Variants in ERBB4 observed in about 807,000 individuals in gnomAD.
The protein encoded by ERBB4 is erb-b2 receptor tyrosine kinase 4.
Under a neutral mutation model 158.0 loss-of-function variants are expected in ERBB4, and 42 were observed. That is an observed-to-expected ratio of 0.27 (90% CI 0.21 to 0.34). ERBB4 has a LOEUF of 0.34. Ranked by LOEUF, ERBB4 falls within the 10% of genes least tolerant of loss-of-function variation. ERBB4 has a pLI of 1.00. For missense variants in ERBB4, 1,333 were observed against 1,624.1 expected (o/e 0.82, Z 3.08); for synonymous variants, 583 against 558.7 (o/e 1.04, Z -0.61).
intron 2 of ERBB4, among the ~76,000 whole-genome samples, chr2:212,013,976 T>A (rs1447651987): frequency 6.6e-6 from 1 of 152,222 alleles, no homozygotes; most frequent in African/African-American, 2.4e-5. Flanking sequence ...ACACAGCAAC[T>A]AAACAAGATA....
chr2:211,625,526 C>G lies in ERBB4; in HGVS notation c.2080-1482G>C, dbSNP rs1018530470. Reference sequence around the variant, plus strand: ...TTCTTTAATTGTGAGTTTGACAACTCATCTTCAATTTCATTTTCAAATTTA... The same window carrying G: ...TTCTTTAATTGTGAGTTTGACAACTGATCTTCAATTTCATTTTCAAATTTA... On this transcript the variant is annotated intron_variant, in intron 17 of 27. Coordinates refer to ENST00000342788, the MANE Select transcript of ERBB4 (RefSeq NM_005235.3). Among the ~76,000 whole-genome samples, 2 of 152,170 alleles carry G rather than the reference C, an allele frequency of 1.3e-5. 1 individual carries two copies. The highest frequency in any genetic ancestry group is 2.9e-5 in the Non-Finnish European group (2 of 68,036).
At chr2:212,435,660 C>T (rs140055992) in intron 1 of ERBB4, among the ~76,000 whole-genome samples, 307 of 151,924 alleles carry the variant, frequency 2.0e-3, no homozygotes, top group Non-Finnish European at 2.9e-3. Context: ...CATGCACACA[C>T]GAAATCCCAG....
chr2:211,440,880 GT>G (rs1307882413), intron 20 of ERBB4, among the ~76,000 whole-genome samples: 1 of 152,156 alleles, frequency 6.6e-6, no homozygotes, highest in Non-Finnish European at 1.5e-5. Context: ...GTTGAAAAGT[GT>G]GTCATTCAAT....
At chr2:212,378,289 G>A (rs2090392979) in intron 1 of ERBB4, among the ~76,000 whole-genome samples, 1 of 151,792 alleles carries the variant, frequency 6.6e-6, no homozygotes, top group Non-Finnish European at 1.5e-5. Context: ...TATGCCATCT[G>A]CATATAGAAC....
chr2:211,405,697 T>TA (rs2063132187), intron 25 of ERBB4, among the ~76,000 whole-genome samples: 1 of 152,198 alleles, frequency 6.6e-6, no homozygotes, highest in Admixed American at 6.5e-5. Flanking sequence ...GGCTCTTCAC[T>TA]AGTTCTACAT....
Position 211,381,287 on chromosome 2 carries a change from C to G in ERBB4, c.*2328G>C. On this transcript the variant is annotated 3_prime_UTR_variant, in exon 28 of 28. Coordinates refer to ENST00000342788, the MANE Select transcript of ERBB4 (RefSeq NM_005235.3). ...TCCAATATTCTTGGCCAAGGACCAC[C>G]ATCTGCTTTTGGTTTAATGGTGAAG... 1 of 232,386 alleles carries G rather than the reference C, an allele frequency of 4.3e-6. No homozygotes were observed. Among genetic ancestry groups the G allele is most frequent in the Non-Finnish European group, 8.5e-6 (1 of 117,564 alleles). 14.4% of individuals were successfully genotyped at this position (232,386 alleles called of 1,614,324 possible).
chr2:212,407,667 A>C (rs1351367790), intron 1 of ERBB4, among the ~76,000 whole-genome samples: 1 of 152,178 alleles, frequency 6.6e-6, no homozygotes, highest in African/African-American at 2.4e-5. Context: ...GGGTATATAC[A>C]TGAAAAACAT....
intron 2 of ERBB4, among the ~76,000 whole-genome samples, chr2:212,037,998 T>G (rs2077054158): frequency 6.6e-6 from 1 of 152,296 alleles, no homozygotes; most frequent in African/African-American, 2.4e-5. Flanking sequence ...ACAAAAAGTA[T>G]TGTTCTTTAA....
intron 3 of ERBB4, among the ~76,000 whole-genome samples, chr2:211,862,885 C>T (rs374884215): frequency 6.6e-6 from 1 of 152,208 alleles, no homozygotes; most frequent in African/African-American, 2.4e-5. Context: ...GCTATAGGAT[C>T]GTAAATGCAC....
At chr2:211,852,971 T>C (rs1196112761) in intron 3 of ERBB4, among the ~76,000 whole-genome samples, 2 of 152,048 alleles carry the variant, frequency 1.3e-5, no homozygotes, top group Non-Finnish European at 2.9e-5. Flanking sequence ...AAATTTTTCA[T>C]GTGACTGTTG....
chr2:211,472,468 T>C (rs1401104392), intron 20 of ERBB4, among the ~76,000 whole-genome samples: 1 of 151,688 alleles, frequency 6.6e-6, no homozygotes, highest in Non-Finnish European at 1.5e-5. Flanking sequence ...CTAACTCTTC[T>C]TATAAAACGC....
rs1017804166 is a variant in ERBB4, at chr2:211,665,575, G to C, written c.1717-98C>G. 1.8e-5 allele frequency: 20 copies of C among 1,132,660 alleles called. 1 individual carries two copies. Among genetic ancestry groups the C allele is most frequent in the Middle Eastern group, 1.9e-4 (1 of 5,150 alleles). 70.2% of individuals were successfully genotyped at this position (1,132,660 alleles called of 1,614,324 possible). ...TTAGTTACTGAGACTTCAGTAGGTG[G>C]CAAATCTTCCTCTAAGAGAATTGGA... On this transcript the variant is annotated intron_variant, in intron 14 of 27. Coordinates refer to ENST00000342788, the MANE Select transcript of ERBB4 (RefSeq NM_005235.3).
intron 22 of ERBB4, among the ~76,000 whole-genome samples, chr2:211,428,141 A>G (rs1173672959): frequency 2.0e-5 from 3 of 152,020 alleles, no homozygotes; most frequent in African/African-American, 7.2e-5. Context: ...GTTGATAGGT[A>G]CAGCAAACCA....
At chr2:212,430,211 T>C (rs1230512232) in intron 1 of ERBB4, among the ~76,000 whole-genome samples, 1 of 152,166 alleles carries the variant, frequency 6.6e-6, no homozygotes, top group Non-Finnish European at 1.5e-5. Context: ...TACGATGTGC[T>C]TTATTTAAGT....
intron 2 of ERBB4, among the ~76,000 whole-genome samples, chr2:212,040,993 T>C (rs2077127964): frequency 6.6e-6 from 1 of 152,130 alleles, no homozygotes; most frequent in South Asian, 2.1e-4. Context: ...CTCCTAAATC[T>C]ACAACCAGGA....
chr2:211,537,059 CAAAGTA>C (rs1344152982), intron 20 of ERBB4, among the ~76,000 whole-genome samples: 2 of 135,938 alleles, frequency 1.5e-5, no homozygotes, highest in East Asian at 6.3e-4. Flanking sequence ...AATATTCAAA[CAAAGTA>C]AGAGTAAAAC....
At chr2:212,163,165 A>G (rs1028835646) in intron 1 of ERBB4, among the ~76,000 whole-genome samples, 2 of 151,980 alleles carry the variant, frequency 1.3e-5, no homozygotes, top group Non-Finnish European at 2.9e-5. Context: ...CAAATTTAAT[A>G]TCAATATGCT....
intron 2 of ERBB4, among the ~76,000 whole-genome samples, chr2:211,998,789 T>C (rs1306205846): frequency 6.6e-6 from 1 of 151,830 alleles, no homozygotes; most frequent in African/African-American, 2.4e-5. Flanking sequence ...CTAGGGATGA[T>C]TTCAGTGATT....
chr2:212,362,685 G>C (rs1432298843), intron 1 of ERBB4, among the ~76,000 whole-genome samples: 1 of 148,900 alleles, frequency 6.7e-6, no homozygotes, highest in Non-Finnish European at 1.5e-5. Context: ...CACAGCCAAT[G>C]CCAGCACTAT....
Sources: allele counts gnomAD v4.1 joint callset (sites outside exome capture counted in the v4.1 genomes callset), GRCh38; gene constraint gnomAD v4.1.1; transcripts MANE v1.5; gene names NCBI Gene and HGNC (gene_info 2026-07-23, HGNC 2026-07-21).